PPM1H: variants seen among roughly 807,000 people sequenced by gnomAD.
The protein encoded by PPM1H is protein phosphatase 1H.
Under a neutral mutation model 54.9 loss-of-function variants are expected in PPM1H, and 27 were observed. The observed-to-expected ratio is 0.49, with a 90% CI of 0.36 to 0.68. PPM1H has a LOEUF of 0.68. Ranked by LOEUF, PPM1H falls within the 30% of genes least tolerant of loss-of-function variation. The pLI, the probability that PPM1H is intolerant of heterozygous loss-of-function variation, is 0.00. For missense variants in PPM1H, 596 were observed against 667.8 expected, an observed-to-expected ratio of 0.89 and a Z score of 1.19; for synonymous variants, 305 against 270.8, an observed-to-expected ratio of 1.13 and a Z score of -1.24.
chr12:62,808,808 TG>T (rs2076819859), intron 2 of PPM1H, among the ~76,000 whole-genome samples: 1 of 152,084 alleles, frequency 6.6e-6, no homozygotes, highest in Admixed American at 6.5e-5. Flanking sequence ...CAAAGCAGAC[TG>T]AGAAGCCTCC....
chr12:62,759,189 G>A (rs1030131665), intron 4 of PPM1H, among the ~76,000 whole-genome samples: 15 of 152,286 alleles, frequency 9.8e-5, no homozygotes, highest in African/African-American at 3.6e-4. Flanking sequence ...CTCTTCACAC[G>A]AACACGTGAG....
intron 5 of PPM1H, among the ~76,000 whole-genome samples, chr12:62,727,809 C>A (rs901368734): frequency 4.0e-5 from 6 of 151,562 alleles, no homozygotes; most frequent in African/African-American, 1.5e-4. Context: ...TACATGCGTG[C>A]GCCACCATGC....
chr12:62,864,737 A>G (rs1869716823), intron 1 of PPM1H, among the ~76,000 whole-genome samples: 1 of 152,238 alleles, frequency 6.6e-6, no homozygotes, highest in African/African-American at 2.4e-5. Context: ...TAATAGTGGA[A>G]CAGATTCACA....
At chr12:62,831,756 C>CGT (rs147755408) in intron 2 of PPM1H, among the ~76,000 whole-genome samples, 2,556 of 146,030 alleles carry the variant, frequency 0.018, 82 homozygotes, top group African/African-American at 0.062. Flanking sequence ...TATATATATT[C>CGT]GTGTATATAT....
intron 1 of PPM1H, among the ~76,000 whole-genome samples, chr12:62,897,586 T>C (rs1046295830): frequency 2.6e-5 from 4 of 152,094 alleles, no homozygotes; most frequent in Non-Finnish European, 5.9e-5. Flanking sequence ...CTTCAGCCTC[T>C]GATGAAGCAT....
intron 1 of PPM1H, among the ~76,000 whole-genome samples, chr12:62,865,118 A>G (rs1006399765): frequency 5.9e-5 from 9 of 152,152 alleles, no homozygotes; most frequent in Non-Finnish European, 1.0e-4. Flanking sequence ...CATTCTCTCC[A>G]ATTAAGAGTG....
At chr12:62,758,759 T>G (rs1214021444) in intron 4 of PPM1H, among the ~76,000 whole-genome samples, 1 of 152,228 alleles carries the variant, frequency 6.6e-6, no homozygotes, top group Admixed American at 6.5e-5. Flanking sequence ...CATGAAATGC[T>G]GTGGTGGTTA....
At chr12:62,751,554 C>T (rs537877826) in intron 4 of PPM1H, among the ~76,000 whole-genome samples, 25 of 152,356 alleles carry the variant, frequency 1.6e-4, no homozygotes, top group Middle Eastern at 3.4e-3. Context: ...AAAATAATTT[C>T]TTGATCTTCA....
intron 5 of PPM1H, among the ~76,000 whole-genome samples, chr12:62,723,452 AC>A (rs1380965086): frequency 6.6e-6 from 1 of 152,134 alleles, no homozygotes; most frequent in Non-Finnish European, 1.5e-5. Flanking sequence ...TGGCAATTTA[AC>A]CCCTAATGCA....
At chr12:62,848,126 C>G (rs114860414) in intron 1 of PPM1H, among the ~76,000 whole-genome samples, 1,644 of 152,282 alleles carry the variant, frequency 0.011, 31 homozygotes, top group African/African-American at 0.037. Context: ...CATTTCATTA[C>G]ATTTCTAAAT....
At chr12:62,785,922 C>A (rs2076668106) in intron 4 of PPM1H, among the ~76,000 whole-genome samples, 1 of 151,746 alleles carries the variant, frequency 6.6e-6, no homozygotes, top group Non-Finnish European at 1.5e-5. Flanking sequence ...GAAGAACAGT[C>A]TAACATAAAG....
chr12:62,740,412 G>T (rs1248176051), intron 4 of PPM1H, among the ~76,000 whole-genome samples: 1 of 152,126 alleles, frequency 6.6e-6, no homozygotes, highest in Non-Finnish European at 1.5e-5. Context: ...TAACTTCCGG[G>T]ACATTCTCTC....
At chr12:62,882,042 A>G (rs1485771900) in intron 1 of PPM1H, among the ~76,000 whole-genome samples, 1 of 152,224 alleles carries the variant, frequency 6.6e-6, no homozygotes, top group Non-Finnish European at 1.5e-5. Context: ...AATAATTCAG[A>G]CATTTCTCAA....
intron 4 of PPM1H, among the ~76,000 whole-genome samples, chr12:62,747,141 CTT>C (rs59711942): frequency 2.3e-4 from 33 of 144,648 alleles, no homozygotes; most frequent in South Asian, 8.8e-4. Flanking sequence ...GGTTTTTTTT[CTT>C]TTTTTTTTTT....
Position 62,771,177 on chromosome 12 carries a change from T to G in PPM1H, c.869+17049A>C, listed in dbSNP as rs768876494. On this transcript the variant is annotated intron_variant, in intron 4 of 9. Coordinates refer to ENST00000228705, the MANE Select transcript of PPM1H (RefSeq NM_020700.2). ...CTTCTGTGTTACTTAGAGACAACCA[T>G]TGCTTGCCAAAATACTAGGTAAAAA... Among the ~76,000 whole-genome samples, 4 of 150,186 alleles carry G rather than the reference T, an allele frequency of 2.7e-5. No individual in the cohort carries two copies. In the East Asian group the frequency reaches 7.9e-4, roughly 29 times the overall value.
intron 1 of PPM1H, among the ~76,000 whole-genome samples, chr12:62,879,133 G>A (rs1255731526): frequency 1.3e-5 from 2 of 152,220 alleles, no homozygotes; most frequent in South Asian, 4.1e-4. Context: ...GTGGGGGCGA[G>A]AGCAGGAGGT....
rs531087316 is a variant in PPM1H at position 62,755,571 on chromosome 12, C to G, written c.870-17985G>C. The stretch of plus-strand genomic sequence containing the variant: ...CTGGGACTCACTTGCAGCGGGGAGC[C>G]AAAAGGGTCATCATCTCTGCCCCTT... On this transcript the variant is annotated intron_variant, in intron 4 of 9. Coordinates refer to ENST00000228705, the MANE Select transcript of PPM1H (RefSeq NM_020700.2). The G allele has an allele frequency of 3.8e-5, 25 of 658,444 alleles. No individual in the cohort carries two copies. The South Asian group carries it at 4.1e-4, about 11-fold the overall frequency. The allele number at this position is 658,444 out of a possible 1,614,324, so 40.8% of individuals were successfully genotyped here.
chr12:62,679,902 G>C (rs573905864), intron 8 of PPM1H, among the ~76,000 whole-genome samples: 1 of 152,268 alleles, frequency 6.6e-6, no homozygotes, highest in South Asian at 2.1e-4. Flanking sequence ...ATATTACTTA[G>C]TCCTGGAAAG....
At chr12:62,774,364 C>CT (rs35398236) in intron 4 of PPM1H, among the ~76,000 whole-genome samples, 34,656 of 151,906 alleles carry the variant, frequency 0.23, 5,201 homozygotes, top group African/African-American at 0.42. Context: ...TCTTTCTTTC[C>CT]TTTTTTGAGA....
Sources: allele counts gnomAD v4.1 joint callset (sites outside exome capture counted in the v4.1 genomes callset), GRCh38; gene constraint gnomAD v4.1.1; transcripts MANE v1.5; gene names NCBI Gene and HGNC (gene_info 2026-07-23, HGNC 2026-07-21).